The following ABCA7 variants were observed in gnomAD, a reference collection of about 807,000 sequenced individuals.
ABCA7 encodes ATP binding cassette subfamily A member 7, also known as phospholipid-transporting ATPase ABCA7.
Under a neutral mutation model 227.6 loss-of-function variants are expected in ABCA7, and 261 were observed. The observed-to-expected ratio is 1.15, with a 90% confidence interval of 1.04 to 1.27. The LOEUF is 1.27. Ranked by LOEUF, ABCA7 falls within the 50% of genes most tolerant of loss-of-function variation. The pLI, the probability that ABCA7 is intolerant of heterozygous loss-of-function variation, is 0.00. For missense variants in ABCA7, 3,331 were observed against 2,924.5 expected (o/e 1.14, Z -3.21); for synonymous variants, 1,488 against 1,279.7 (o/e 1.16, Z -3.47).
intron 40 of ABCA7, among the ~76,000 whole-genome samples, chr19:1,061,540 A>AC (rs2144949467): frequency 6.6e-6 from 1 of 151,376 alleles, no homozygotes; most frequent in African/African-American, 2.4e-5. Context: ...ACTAAAAAAA[A>AC]ATACAAAAAT....
intron 40 of ABCA7, 23 bp from the exon 41 acceptor site, chr19:1,061,759 A>C: frequency 6.2e-7 from 1 of 1,604,796 alleles, no homozygotes; most frequent in Non-Finnish European, 8.5e-7. Context: ...CTCACTGAGC[A>C]CCATCTGTGG....
In ABCA7 at chr19:1,062,159, C is replaced by A; in HGVS notation, c.5571-13C>A. ...TAGCCAGCTCTCTGAGCCCCCGGCG[C>A]CCCCATCCCCAGCGTGGCCCGGGAA... On this transcript the variant is annotated splice_polypyrimidine_tract_variant and intron_variant, in intron 41 of 46. Transcript: ENST00000263094. The A allele has an allele frequency of 6.2e-7, 1 of 1,610,698 alleles. No homozygotes were observed. The highest frequency in any genetic ancestry group is 8.5e-7 in the Non-Finnish European group (1 of 1,178,842).
In ABCA7 at chr19:1,055,095, A is replaced by G; in HGVS notation, c.3951-2A>G. On this transcript the variant is annotated splice_acceptor_variant, in intron 29 of 46. Coordinates refer to ENST00000263094, the MANE Select transcript of ABCA7 (RefSeq NM_019112.4). LOFTEE classifies it high-confidence loss of function. Reference sequence around the variant, plus strand: ...TGAGTGTGCACAGCCCATTGTCTGCAGGTTCTCGGCACCAGAAGTTCCTGC... The same window carrying G: ...TGAGTGTGCACAGCCCATTGTCTGCGGGTTCTCGGCACCAGAAGTTCCTGC... 6.2e-7 allele frequency: 1 copy of G among 1,610,630 alleles called. No homozygotes were observed. The highest frequency in any genetic ancestry group is 8.5e-7 in the Non-Finnish European group (1 of 1,178,154).
Position 1,060,207 on chromosome 19 carries a change from A to ATATATATTT in ABCA7, c.5463+1123_5463+1124insATATATTTT. On this transcript the variant is annotated intron_variant, in intron 40 of 46. Transcript: ENST00000263094. Reference sequence around the variant, plus strand: ...AGCACACATTGCAGTATATATATATATTTTTTTTTCTTTTTTTTTCTTTTG... The same window carrying ATATATATTT: ...AGCACACATTGCAGTATATATATATATATATATTTTTTTTTTTTCTTTTTTTTTCTTTTG... Among the ~76,000 whole-genome samples, 26 of 96,866 alleles carry ATATATATTT rather than the reference A, an allele frequency of 2.7e-4. 2 individuals are homozygous for ATATATATTT. The highest frequency in any genetic ancestry group is 9.0e-4 in the African/African-American group (26 of 28,764). 63.5% of individuals were successfully genotyped at this position (96,866 alleles called of 152,430 possible). A position where few individuals can be genotyped will look rare whatever the true frequency, so the allele number is the denominator to read the frequency against.
In ABCA7 at chr19:1,053,261, C is replaced by T. The variant is rs2041935147; in HGVS notation, c.3221-68C>T. 4.7e-6 allele frequency: 7 copies of T among 1,503,910 alleles called. No individual in the cohort carries two copies. In the South Asian group the frequency reaches 5.0e-5, roughly 11 times the overall value. The allele number at this position is 1,503,910 out of a possible 1,614,324, so 93.2% of individuals were successfully genotyped here. On this transcript the variant is annotated intron_variant, in intron 23 of 46. Transcript: ENST00000263094. ...CAGTCCCCTCACAGGTCACCAATGC[C>T]TCTTCCCCAGGGAGACTGGGGTGGG... is the stretch of plus-strand genomic sequence containing the variant.
Position 1,041,326 on chromosome 19 carries a change from C to T in ABCA7, c.-36C>T. On this transcript the variant is annotated 5_prime_UTR_variant, in exon 2 of 47. Coordinates refer to ENST00000263094, the MANE Select transcript of ABCA7 (RefSeq NM_019112.4). ...GCACGTCTTCAGCCCGACCGTTGTCCTGACCTCTCTGTCCCGTCCCCTGCC... is the reference window on the plus strand; with the variant it reads ...GCACGTCTTCAGCCCGACCGTTGTCTTGACCTCTCTGTCCCGTCCCCTGCC... The T allele has an allele frequency of 6.2e-7, 1 of 1,611,528 alleles. No homozygotes were observed. The highest frequency in any genetic ancestry group is 8.5e-7 in the Non-Finnish European group (1 of 1,178,060).
chr19:1,054,268 G>T lies in ABCA7; in HGVS notation c.3653G>T (p.Arg1218Leu), dbSNP rs534172941. The stretch of plus-strand genomic sequence containing the variant: ...CGGGTACAGGGCTGGGCACTGACCC[G>T]CCAGCAGCTCCAGGCCCTGCTTCTC... ...VGRVQGWALTRQQLQALLLKR... is the reference protein window; with the variant it reads ...VGRVQGWALTLQQLQALLLKR... The change falls in exon 27 of 47, where the codon CGC becomes CTC. Residue 1218 changes from arginine to leucine, a missense_variant. Physicochemically the swap from Arg to Leu is moderately radical, Grantham distance 102 (BLOSUM62 -2). Transcript: ENST00000263094. The surrounding 1 kb of genome is among the most constrained non-coding windows in gnomAD (Gnocchi z 4.8). The T allele has an allele frequency of 1.9e-6, 3 of 1,608,356 alleles. No individual in the cohort carries two copies. The highest frequency in any genetic ancestry group is 1.7e-5 in the Admixed American group (1 of 59,880).
intron 40 of ABCA7, among the ~76,000 whole-genome samples, 196 bp from the exon 41 acceptor site, chr19:1,061,586 C>G (rs149833416): frequency 0.035 from 5,352 of 151,330 alleles, 178 homozygotes; most frequent in East Asian, 0.17. Context: ...GTAGCCCCAG[C>G]TACTTGGGAG....
intron 38 of ABCA7, 36 bp from the exon 39 acceptor site, chr19:1,058,784 G>A (rs2042454782): frequency 6.2e-7 from 1 of 1,601,498 alleles, no homozygotes; most frequent in Non-Finnish European, 8.5e-7. Flanking sequence ...CAGGGGCCAA[G>A]GACCTACTTT....
In ABCA7 at chr19:1,065,314, C is replaced by T. The variant is rs756045384; in HGVS notation, c.6330C>T (p.Thr2110=). 2.2e-5 allele frequency: 36 copies of T among 1,613,454 alleles called. No homozygotes were observed. The highest frequency in any genetic ancestry group is 1.2e-4 in the South Asian group (11 of 91,092). ...AGGACCAGGGGAAGGACGAGGACACCGAAGAGCAGAAGGAGGCAGGAGTGG... is the reference window on the plus strand; with the variant it reads ...AGGACCAGGGGAAGGACGAGGACACTGAAGAGCAGAAGGAGGCAGGAGTGG... ...FSKDQGKDED[T]EEQKEAGVGV... is the part of the protein sequence containing the mutation. The change falls in exon 47 of 47, where the codon ACC becomes ACT. Residue 2110 remains threonine (T), a synonymous_variant. Coordinates refer to ENST00000263094, the MANE Select transcript of ABCA7 (RefSeq NM_019112.4).
chr19:1,047,147 C>T lies in ABCA7; in HGVS notation c.1846-10C>T. On this transcript the variant is annotated splice_polypyrimidine_tract_variant and intron_variant, in intron 14 of 46. Coordinates refer to ENST00000263094, the MANE Select transcript of ABCA7 (RefSeq NM_019112.4). ...GGAGCTGCACCCTAAGCTCCCGTTG[C>T]CTCTCACAGCTGGGAGACATCCTCC... 6.3e-7 allele frequency: 1 copy of T among 1,596,384 alleles called. No homozygotes were observed.
chr19:1,054,411 G>A lies in ABCA7; in HGVS notation c.3726+70G>A. ...TCCCTACCCTGGCCGTCCACTCAGTGGCCTAATCCAAACCCTTACCCCCGT... is the reference window on the plus strand; with the variant it reads ...TCCCTACCCTGGCCGTCCACTCAGTAGCCTAATCCAAACCCTTACCCCCGT... On this transcript the variant is annotated intron_variant, in intron 27 of 46. Coordinates refer to ENST00000263094, the MANE Select transcript of ABCA7 (RefSeq NM_019112.4). The surrounding 1 kb of genome is among the most constrained non-coding windows in gnomAD (Gnocchi z 4.8). The A allele has an allele frequency of 6.4e-7, 1 of 1,554,324 alleles. No individual in the cohort carries two copies.
chr19:1,055,835 G>GCT lies in ABCA7; in HGVS notation c.4206-70_4206-69dup. ...TGTTTTTGTCCACCCTTGACTCTGT[G>GCT]CTCCCCTCTCACCATCTCTCTCTCT... On this transcript the variant is annotated intron_variant, in intron 30 of 46. Coordinates refer to ENST00000263094, the MANE Select transcript of ABCA7 (RefSeq NM_019112.4). 2.1e-6 allele frequency: 3 copies of GCT among 1,442,554 alleles called. No individual in the cohort carries two copies. In the South Asian group the frequency reaches 4.2e-5, roughly 20 times the overall value. The allele number at this position is 1,442,554 out of a possible 1,614,324, so 89.4% of individuals were successfully genotyped here.
At position 1,058,859 on chromosome 19, in the gene ABCA7, C is replaced by A. The variant is rs201041855; in HGVS notation, c.5319C>A (p.Asp1773Glu). Residue 1773 changes from aspartate (D) to glutamate (E), a missense_variant, in exon 39 of 47, where the codon GAC becomes GAA. Physicochemically the swap from Asp to Glu is conservative, Grantham distance 45 (BLOSUM62 2). Coordinates refer to ENST00000263094, the MANE Select transcript of ABCA7 (RefSeq NM_019112.4). ...VRSLPLLGEE[D>E]EDVARERERV... is the part of the protein sequence containing the mutation. Reference sequence around the variant, plus strand: ...CTCTGCCACTCCTGGGAGAGGAGGACGAGGATGTAGCCCGTGAACGGGAGC... The same window carrying A: ...CTCTGCCACTCCTGGGAGAGGAGGAAGAGGATGTAGCCCGTGAACGGGAGC... 1.3e-6 allele frequency: 2 copies of A among 1,577,022 alleles called. No homozygotes were observed. Among genetic ancestry groups the A allele is most frequent in the South Asian group, 2.3e-5 (2 of 85,598 alleles).
Position 1,055,264 on chromosome 19 carries a change from C to T in ABCA7, c.4118C>T (p.Thr1373Ile). 1 of 1,603,554 alleles carries T rather than the reference C, an allele frequency of 6.2e-7. No individual in the cohort carries two copies. The highest frequency in any genetic ancestry group is 8.5e-7 in the Non-Finnish European group (1 of 1,175,694). ...GGTCCCCCTCCGCCCCAGGCAGTGA[C>T]CGGCTCTGGGGAAGTGGTTCAGAAC... ...AGGPPPPQAV[T>I]GSGEVVQNLT... Residue 1373 changes from threonine to isoleucine, a missense_variant, in exon 30 of 47, where the codon ACC becomes ATC. Coordinates refer to ENST00000263094, the MANE Select transcript of ABCA7 (RefSeq NM_019112.4).
In ABCA7 at chr19:1,046,296, G is replaced by T. The variant is rs767294749; in HGVS notation, c.1512G>T (p.Val504=). ...TDLRYVWGGF[V]YLQDLVERAA... is the part of the protein sequence containing the mutation. ...TGCGCTACGTGTGGGGCGGCTTCGT[G>T]TACCTGCAAGACCTGGTGGAGCGTG... The change falls in exon 13 of 47, where the codon GTG becomes GTT. Residue 504 remains valine, a synonymous_variant. Transcript: ENST00000263094. 3 of 1,605,852 alleles carry T rather than the reference G, an allele frequency of 1.9e-6. No homozygotes were observed. Among genetic ancestry groups the T allele is most frequent in the Non-Finnish European group, 2.5e-6 (3 of 1,179,750 alleles).
intron 44 of ABCA7, 25 bp downstream of exon 44, chr19:1,063,888 G>T (rs1280345600): frequency 6.0e-6 from 9 of 1,512,360 alleles, no homozygotes; most frequent in African/African-American, 2.8e-5. Flanking sequence ...GATGCCCTGG[G>T]CTGTGGTTAA....
chr19:1,054,260 A>G lies in ABCA7; in HGVS notation c.3645A>G (p.Ala1215=). ...PDAVGRVQGW[A]LTRQQLQALL... is the part of the protein sequence containing the mutation. ...CCGTGGGCCGGGTACAGGGCTGGGC[A>G]CTGACCCGCCAGCAGCTCCAGGCCC... The change falls in exon 27 of 47, where the codon GCA becomes GCG. Residue 1215 remains alanine (A), a synonymous_variant. Coordinates refer to ENST00000263094, the MANE Select transcript of ABCA7 (RefSeq NM_019112.4). The surrounding 1 kb of genome is among the most constrained non-coding windows in gnomAD (Gnocchi z 4.8). 2 of 1,608,530 alleles carry G rather than the reference A, an allele frequency of 1.2e-6. No individual in the cohort carries two copies. Among genetic ancestry groups the G allele is most frequent in the South Asian group, 2.2e-5 (2 of 90,968 alleles).
chr19:1,064,210 G>T lies in ABCA7; in HGVS notation c.6001G>T (p.Gly2001Trp). Residue 2001 changes from glycine to tryptophan, a missense_variant, in exon 45 of 47, where the codon GGG becomes TGG. By Grantham distance (184) the Gly-to-Trp change is radical. Coordinates refer to ENST00000263094, the MANE Select transcript of ABCA7 (RefSeq NM_019112.4). ...CTCGCGCCTGGCCATCATGGTGAAT[G>T]GGCGGTTCCGCTGCCTGGGCAGCCC... ...LCSRLAIMVN[G>W]RFRCLGSPQH... 6.3e-7 allele frequency: 1 copy of T among 1,577,480 alleles called. No homozygotes were observed. The highest frequency in any genetic ancestry group is 2.3e-5 in the East Asian group (1 of 42,588).
Sources: allele counts gnomAD v4.1 joint callset (sites outside exome capture counted in the v4.1 genomes callset), GRCh38; gene constraint gnomAD v4.1.1; non-coding constraint Gnocchi (gnomAD v3.1); transcripts MANE v1.5; gene names NCBI Gene and HGNC (gene_info 2026-07-23, HGNC 2026-07-21).